NINL: variants seen among roughly 807,000 people sequenced by gnomAD.
NINL encodes ninein-like protein.
In NINL, 153 loss-of-function variants were observed where a neutral mutation model predicts 160.3. The observed-to-expected ratio is 0.95, with a 90% CI of 0.84 to 1.09. The LOEUF (loss-of-function observed/expected upper bound fraction) is 1.09. NINL is among the 50% of genes least tolerant of loss of function. NINL has a pLI of 0.00. For missense variants in NINL, 1,829 were observed against 1,764.0 expected, an observed-to-expected ratio of 1.04 and a Z score of -0.66; for synonymous variants, 800 against 734.8, an observed-to-expected ratio of 1.09 and a Z score of -1.43.
At chr20:25,499,060 G>A in intron 8 of NINL, 1 of 985,464 alleles carries the variant, frequency 1.0e-6, no homozygotes, top group East Asian at 1.1e-4. Context: ...GCCCTGCTCA[G>A]GCCGGCGGCA....
At chr20:25,574,321 C>A (rs2065090255) in intron 1 of NINL, among the ~76,000 whole-genome samples, 1 of 151,370 alleles carries the variant, frequency 6.6e-6, no homozygotes, top group African/African-American at 2.4e-5. Flanking sequence ...TGTGCCATGG[C>A]ATGGCTGGGC....
chr20:25,498,108 G>T, intron 9 of NINL, 102 bp downstream of exon 9: 2 of 1,383,626 alleles, frequency 1.4e-6, no homozygotes, highest in Non-Finnish European at 1.0e-6. Context: ...GGCCATGTGG[G>T]GTGGATAAGA....
intron 1 of NINL, among the ~76,000 whole-genome samples, chr20:25,539,454 G>A (rs1261561848): frequency 6.6e-6 from 1 of 152,208 alleles, no homozygotes; most frequent in African/African-American, 2.4e-5. Flanking sequence ...GCGGTCTATA[G>A]GGTGAACTAA....
intron 1 of NINL, among the ~76,000 whole-genome samples, chr20:25,538,566 T>C (rs895646796): frequency 1.3e-5 from 2 of 152,168 alleles, no homozygotes; most frequent in African/African-American, 4.8e-5. Context: ...TAGGCTGCCA[T>C]ATGTGGCTGG....
intron 10 of NINL, 32 bp downstream of exon 10, chr20:25,496,631 G>T: frequency 6.2e-7 from 1 of 1,611,236 alleles, no homozygotes; most frequent in South Asian, 1.1e-5. Context: ...GGAGGCCCAG[G>T]TAAGAATCCA....
chr20:25,497,012 C>G (rs1431760094), intron 9 of NINL, among the ~76,000 whole-genome samples: 2 of 152,182 alleles, frequency 1.3e-5, no homozygotes, highest in African/African-American at 4.8e-5. Flanking sequence ...AGAGGGGCCA[C>G]GTGACTTGGC....
chr20:25,512,460 T>C (rs563257090), intron 4 of NINL, among the ~76,000 whole-genome samples: 2 of 152,264 alleles, frequency 1.3e-5, no homozygotes, highest in Admixed American at 6.5e-5. Flanking sequence ...TGTTTAAAAG[T>C]GTGTAGCACC....
chr20:25,467,533 G>GT (rs2062945749), intron 18 of NINL, 75 bp from the exon 19 acceptor site: 16 of 1,138,110 alleles, frequency 1.4e-5, no homozygotes, highest in Non-Finnish European at 6.7e-6. Context: ...AGCACCCAGG[G>GT]TAAGAGCAGC....
chr20:25,512,816 G>A lies in NINL; in HGVS notation c.450+18C>T. ...TCCCAACACTGGGCAGCTGGGGTGG[G>A]AGAGGGGCCTGACCCACCTCCACGC... is the stretch of plus-strand genomic sequence containing the variant. On this transcript the variant is annotated intron_variant, in intron 4 of 23. Transcript: ENST00000278886. 3.1e-6 allele frequency: 5 copies of A among 1,593,710 alleles called. No individual in the cohort carries two copies. Among genetic ancestry groups the A allele is most frequent in the Non-Finnish European group, 4.3e-6 (5 of 1,168,646 alleles).
rs2856 is a variant in NINL at position 25,452,900 on chromosome 20, T to C, written c.*551A>G. 0.46 allele frequency: 70,292 copies of C among 151,996 alleles called. 16,851 individuals carry two copies. The highest frequency in any genetic ancestry group is 0.92 in the East Asian group (4,736 of 5,150). The allele number at this position is 151,996 out of a possible 1,614,324, so 9.4% of individuals were successfully genotyped here. A position where few individuals can be genotyped will look rare whatever the true frequency, so the allele number is the denominator to read the frequency against. Reference sequence around the variant, plus strand: ...GTGCATTTGCAATAAACACCATCATTCCTGAGTCCACAGATAAGGTCCCCG... The same window carrying C: ...GTGCATTTGCAATAAACACCATCATCCCTGAGTCCACAGATAAGGTCCCCG... On this transcript the variant is annotated 3_prime_UTR_variant, in exon 24 of 24. Transcript: ENST00000278886.
chr20:25,558,688 C>T (rs149981075), intron 1 of NINL, among the ~76,000 whole-genome samples: 174 of 152,304 alleles, frequency 1.1e-3, no homozygotes, highest in African/African-American at 4.1e-3. Context: ...GTTCTTTGCT[C>T]TTACATTTTA....
chr20:25,577,744 C>T (rs2065131794), intron 1 of NINL, among the ~76,000 whole-genome samples: 1 of 152,022 alleles, frequency 6.6e-6, no homozygotes, highest in African/African-American at 2.4e-5. Flanking sequence ...CCCACCACCC[C>T]TCTTTGTGTG....
rs142322604 is a variant in NINL, at chr20:25,494,127, C to T, written c.1310+2536G>A. Among the ~76,000 whole-genome samples, 781 of 149,810 alleles carry T rather than the reference C, an allele frequency of 5.2e-3. 6 individuals carry two copies. Among genetic ancestry groups the T allele is most frequent in the African/African-American group, 0.017 (701 of 40,536 alleles). On this transcript the variant is annotated intron_variant, in intron 10 of 23. Transcript: ENST00000278886. ...TCCCATGCACACAGTACCCCCACTACACCCCACAGGCCCCACACACACTCA... is the reference window on the plus strand; with the variant it reads ...TCCCATGCACACAGTACCCCCACTATACCCCACAGGCCCCACACACACTCA...
chr20:25,537,048 C>T (rs965887601), intron 1 of NINL, among the ~76,000 whole-genome samples: 3 of 152,126 alleles, frequency 2.0e-5, no homozygotes, highest in Non-Finnish European at 2.9e-5. Flanking sequence ...GGCAACAGAG[C>T]GGGGTAGTTG....
At chr20:25,549,549 T>C (rs982915575) in intron 1 of NINL, among the ~76,000 whole-genome samples, 1 of 152,238 alleles carries the variant, frequency 6.6e-6, no homozygotes, top group Admixed American at 6.5e-5. Context: ...GAGTCTCACT[T>C]CCCCTCTCCC....
chr20:25,507,540 C>T (rs549500613), intron 5 of NINL, among the ~76,000 whole-genome samples: 79 of 152,328 alleles, frequency 5.2e-4, no homozygotes, highest in African/African-American at 1.8e-3. Flanking sequence ...GCCTCATCCA[C>T]ACCACCTAGC....
intron 1 of NINL, among the ~76,000 whole-genome samples, chr20:25,541,873 CA>C (rs1347456299): frequency 6.6e-6 from 1 of 152,160 alleles, no homozygotes; most frequent in Non-Finnish European, 1.5e-5. Context: ...CGTGTATGAT[CA>C]AAAACAATGG....
chr20:25,463,829 T>C (rs554845425), intron 19 of NINL, among the ~76,000 whole-genome samples: 5 of 152,316 alleles, frequency 3.3e-5, no homozygotes, highest in Admixed American at 2.6e-4. Context: ...TCCACGCATT[T>C]TTCTCATGCA....
intron 16 of NINL, among the ~76,000 whole-genome samples, chr20:25,477,517 A>G (rs1450093370): frequency 6.6e-6 from 1 of 152,096 alleles, no homozygotes; most frequent in Non-Finnish European, 1.5e-5. Context: ...ACTGTCCCCT[A>G]ATTCCCTGAA....
Sources: allele counts gnomAD v4.1 joint callset (sites outside exome capture counted in the v4.1 genomes callset), GRCh38; gene constraint gnomAD v4.1.1; transcripts MANE v1.5; gene names NCBI Gene and HGNC (gene_info 2026-07-23, HGNC 2026-07-21).